The following VPS26C variants were observed in gnomAD, a reference collection of about 807,000 sequenced individuals.
VPS26C encodes the protein vacuolar protein sorting-associated protein 26C.
In VPS26C, 19 loss-of-function variants were observed where a neutral mutation model predicts 30.6. The ratio of observed to expected loss-of-function variants is 0.62; its 90% CI spans 0.43 to 0.91. VPS26C has a LOEUF of 0.91. Ranked by LOEUF, VPS26C falls within the 40% of genes least tolerant of loss-of-function variation. The probability of loss-of-function intolerance (pLI) is 0.00; values close to 1 mark genes in which losing one functional copy is unlikely to be tolerated. For synonymous variants in VPS26C, 132 were observed against 151.5 expected (o/e 0.87, Z 0.95); for missense variants, 318 against 385.1 (o/e 0.83, Z 1.46).
rs1569229159 is a variant in VPS26C at position 37,225,431 on chromosome 21, A to C, written c.*113T>G. On this transcript the variant is annotated 3_prime_UTR_variant, in exon 8 of 8. Transcript: ENST00000309117. Reference sequence around the variant, plus strand: ...TGAGGGTCTGTTTCATTTCTGATACAGAATAATCACAAAAACAAGTATATG... The same window carrying C: ...TGAGGGTCTGTTTCATTTCTGATACCGAATAATCACAAAAACAAGTATATG... The C allele has an allele frequency of 2.3e-6, 2 of 886,352 alleles. No homozygotes were observed. The highest frequency in any genetic ancestry group is 5.2e-5 in the East Asian group (2 of 38,750). The allele number at this position is 886,352 out of a possible 1,614,324, so 54.9% of individuals were successfully genotyped here.
At chr21:37,246,602 A>C (rs767924340) in intron 1 of VPS26C, among the ~76,000 whole-genome samples, 15 of 152,228 alleles carry the variant, frequency 9.9e-5, no homozygotes, top group Non-Finnish European at 2.1e-4. Flanking sequence ...ATAAGTGATG[A>C]TTATAATGAA....
At chr21:37,251,322 A>G (rs1314920395) in intron 1 of VPS26C, among the ~76,000 whole-genome samples, 1 of 152,220 alleles carries the variant, frequency 6.6e-6, no homozygotes, top group Non-Finnish European at 1.5e-5. Context: ...CAATAGGAAA[A>G]TTGTGAGTTT....
At chr21:37,241,186 T>C (rs2073357) in intron 1 of VPS26C, among the ~76,000 whole-genome samples, 23,164 of 152,212 alleles carry the variant, frequency 0.15, 2,057 homozygotes, top group East Asian at 0.23. Context: ...CTGGAGGTTA[T>C]TGGTGCCACC....
At chr21:37,267,140 C>T in intron 1 of VPS26C, 98 bp downstream of exon 1, 2 of 1,152,468 alleles carry the variant, frequency 1.7e-6, no homozygotes, top group East Asian at 2.5e-5. Flanking sequence ...CAGCCCTGCC[C>T]CGCCTAGGGA....
intron 3 of VPS26C, among the ~76,000 whole-genome samples, chr21:37,234,733 TA>T (rs2086001839): frequency 6.6e-6 from 1 of 152,154 alleles, no homozygotes; most frequent in Non-Finnish European, 1.5e-5. Flanking sequence ...CCGCATGAAA[TA>T]AGAAGTTACT....
In VPS26C at chr21:37,257,144, CACAAAAAAACAA is replaced by C. The variant is rs2086251825; in HGVS notation, c.57+10082_57+10093del. ...GAGGCTCTGTCTCAAAAAAACAAAACACAAAAAAACAAACAAAAAAAAGCAAATATATGTAAA... is the reference window on the plus strand; with the variant it reads ...GAGGCTCTGTCTCAAAAAAACAAAACACAAAAAAAAGCAAATATATGTAAA... On this transcript the variant is annotated intron_variant, in intron 1 of 7. Transcript: ENST00000309117. The surrounding 1 kb of genome is among the most constrained non-coding windows in gnomAD (Gnocchi z 4.2). Among the ~76,000 whole-genome samples the C allele has an allele frequency of 6.6e-6, 1 of 151,952 alleles. No homozygotes were observed. Among genetic ancestry groups the C allele is most frequent in the East Asian group, 1.9e-4 (1 of 5,182 alleles).
At chr21:37,250,505 A>G (rs1400927953) in intron 1 of VPS26C, among the ~76,000 whole-genome samples, 1 of 152,196 alleles carries the variant, frequency 6.6e-6, no homozygotes. Context: ...TATGACTATG[A>G]ACAATACCAC....
intron 1 of VPS26C, among the ~76,000 whole-genome samples, chr21:37,266,283 C>T (rs1210730521): frequency 6.6e-6 from 1 of 152,162 alleles, no homozygotes; most frequent in South Asian, 2.1e-4. Flanking sequence ...TAAGAGCAGG[C>T]TTCCCTAGTT....
rs559434272 is a variant in VPS26C at position 37,253,648 on chromosome 21, G to A, written c.58-13009C>T. 9.2e-5 allele frequency among the ~76,000 whole-genome samples: 14 copies of A among 152,318 alleles called. No homozygotes were observed. In the East Asian group the frequency reaches 2.3e-3, roughly 25 times the overall value. ...TTAAATTCTAATCATGGTGTGTTGC[G>A]TGGCTTCAGGAGTTAGATAGCACAT... On this transcript the variant is annotated intron_variant, in intron 1 of 7. Coordinates refer to ENST00000309117, the MANE Select transcript of VPS26C (RefSeq NM_006052.2).
At chr21:37,231,403 G>C (rs959896081) in intron 5 of VPS26C, 1 of 152,240 alleles carries the variant, frequency 6.6e-6, no homozygotes, top group African/African-American at 2.4e-5. Context: ...GGAGACGGGA[G>C]TCTGAGTGGC....
At position 37,226,114 on chromosome 21, in the gene VPS26C, TCCATCACC is replaced by T; in HGVS notation, c.812-496_812-489del. ...TTGTTGCTCCATTGGATACTATTCA[TCCATCACC>T]TTTCAGCAAACAGGATTCCTTCTCC... On this transcript the variant is annotated intron_variant, in intron 7 of 7. Coordinates refer to ENST00000309117, the MANE Select transcript of VPS26C (RefSeq NM_006052.2). The surrounding 1 kb of genome is among the most constrained non-coding windows in gnomAD (Gnocchi z 4.1). 1.2e-5 allele frequency: 2 copies of T among 160,030 alleles called. No individual in the cohort carries two copies. Among genetic ancestry groups the T allele is most frequent in the African/African-American group, 2.4e-5 (1 of 41,950 alleles). The allele number at this position is 160,030 out of a possible 1,614,324, so 9.9% of individuals were successfully genotyped here.
At chr21:37,253,446 C>T (rs754675187) in intron 1 of VPS26C, among the ~76,000 whole-genome samples, 11 of 152,018 alleles carry the variant, frequency 7.2e-5, no homozygotes, top group Non-Finnish European at 1.6e-4. Flanking sequence ...AATGGGCTGA[C>T]AAAAAGCATA....
upstream of VPS26C, chr21:37,267,800 C>T (rs1421427850): frequency 1.2e-5 from 2 of 173,672 alleles, no homozygotes; most frequent in Non-Finnish European, 2.5e-5. Flanking sequence ...TAATGCCTGC[C>T]CTCCTCAAAT....
In VPS26C at chr21:37,232,362, T is replaced by C. The variant is rs2085974220; in HGVS notation, c.507+15A>G. 6.2e-7 allele frequency: 1 copy of C among 1,612,810 alleles called. No homozygotes were observed. Among genetic ancestry groups the C allele is most frequent in the South Asian group, 1.1e-5 (1 of 90,982 alleles). On this transcript the variant is annotated intron_variant, in intron 5 of 7. Coordinates refer to ENST00000309117, the MANE Select transcript of VPS26C (RefSeq NM_006052.2). ...GGAAGATACCCACGGCATTCGCCTG[T>C]GCAGGACGTCTTACCTCTTTGACGT...
At chr21:37,266,901 T>C (rs2086368390) in intron 1 of VPS26C, 1 of 404,212 alleles carries the variant, frequency 2.5e-6, no homozygotes, top group African/African-American at 2.2e-5. Context: ...CCCTCAGCGC[T>C]CACTGAGGGA....
At chr21:37,252,046 C>T (rs1435437573) in intron 1 of VPS26C, among the ~76,000 whole-genome samples, 1 of 152,176 alleles carries the variant, frequency 6.6e-6, no homozygotes. Flanking sequence ...GCCTTCCCTC[C>T]TAAACCACCT....
chr21:37,240,693 C>T lies in VPS26C; in HGVS notation c.58-54G>A, dbSNP rs2086077902. On this transcript the variant is annotated intron_variant, in intron 1 of 7. Coordinates refer to ENST00000309117, the MANE Select transcript of VPS26C (RefSeq NM_006052.2). Reference sequence around the variant, plus strand: ...AATTAGCATGCTTCCTCCATTCTACCTTGTTTATTAGCAAACGTAGGTCTC... The same window carrying T: ...AATTAGCATGCTTCCTCCATTCTACTTTGTTTATTAGCAAACGTAGGTCTC... 3 of 1,583,216 alleles carry T rather than the reference C, an allele frequency of 1.9e-6. No homozygotes were observed. The African/African-American group carries it at 4.1e-5, about 22-fold the overall frequency.
chr21:37,238,404 C>A (rs2086046841), intron 3 of VPS26C, 56 bp downstream of exon 3: 58 of 1,583,340 alleles, frequency 3.7e-5, no homozygotes, highest in Non-Finnish European at 4.9e-5. Flanking sequence ...AAAGACCACA[C>A]CGTTTGTCAG....
chr21:37,255,872 T>TTTTTTTTA (rs2086237890), intron 1 of VPS26C, among the ~76,000 whole-genome samples: 2 of 144,916 alleles, frequency 1.4e-5, no homozygotes, highest in Admixed American at 1.4e-4. Context: ...TTTTTTTTTT[T>TTTTTTTTA]AGATAGAGGC....
Sources: allele counts gnomAD v4.1 joint callset (sites outside exome capture counted in the v4.1 genomes callset), GRCh38; gene constraint gnomAD v4.1.1; non-coding constraint Gnocchi (gnomAD v3.1); transcripts MANE v1.5; gene names NCBI Gene and HGNC (gene_info 2026-07-23, HGNC 2026-07-21).